Variants in ANTXR1 observed in about 807,000 individuals in gnomAD.
The protein encoded by ANTXR1 is ANTXR cell adhesion molecule 1.
ANTXR1 carries 19 observed loss-of-function variants against 78.1 expected under a neutral mutation model. That is an observed-to-expected ratio of 0.24 (90% CI 0.17 to 0.36). ANTXR1 has a LOEUF of 0.36. ANTXR1 is among the 10% of genes least tolerant of loss of function. The pLI, the probability that ANTXR1 is intolerant of heterozygous loss-of-function variation, is 1.00. For synonymous variants in ANTXR1, 273 were observed against 260.5 expected, an observed-to-expected ratio of 1.05 and a Z score of -0.46; for missense variants, 518 against 718.6, an observed-to-expected ratio of 0.72 and a Z score of 3.19.
intron 9 of ANTXR1, among the ~76,000 whole-genome samples, chr2:69,096,610 C>G (rs1204790888): frequency 6.6e-6 from 1 of 151,980 alleles, no homozygotes. Context: ...TATAAACTGG[C>G]AGCCTACAAG....
At chr2:69,112,778 A>G (rs1446738568) in intron 10 of ANTXR1, among the ~76,000 whole-genome samples, 5 of 152,144 alleles carry the variant, frequency 3.3e-5, no homozygotes, top group Non-Finnish European at 7.4e-5. Context: ...GCCCTCTTTC[A>G]GACAGAACTC....
intron 17 of ANTXR1, among the ~76,000 whole-genome samples, chr2:69,217,255 A>AGGGCCTCC (rs1573983894): frequency 1.3e-5 from 2 of 152,330 alleles, no homozygotes; most frequent in East Asian, 3.9e-4. Context: ...TTAGGGCCTC[A>AGGGCCTCC]GGGCCTCCCA....
rs551572671 is a variant in ANTXR1, at chr2:69,180,228, C to T, written c.1090-1558C>T. On this transcript the variant is annotated intron_variant, in intron 14 of 17. Transcript: ENST00000303714. ...CTCCTGCATGGGGTGCCCCATCCCA[C>T]GCAGTGGTGCCCTGCATAGGACTTC... Among the ~76,000 whole-genome samples, 21 of 152,366 alleles carry T rather than the reference C, an allele frequency of 1.4e-4. No homozygotes were observed. The East Asian group carries it at 3.1e-3, about 22-fold the overall frequency.
chr2:69,228,075 G>T (rs952900432), intron 17 of ANTXR1, among the ~76,000 whole-genome samples: 1 of 152,230 alleles, frequency 6.6e-6, no homozygotes, highest in African/African-American at 2.4e-5. Flanking sequence ...TCTATGGAAA[G>T]ATAGAGCCTA....
chr2:69,136,345 T>C (rs1034539043), intron 12 of ANTXR1, among the ~76,000 whole-genome samples: 2 of 152,194 alleles, frequency 1.3e-5, no homozygotes, highest in South Asian at 2.1e-4. Flanking sequence ...TATTCTTTTT[T>C]AAGTACACTT....
intron 8 of ANTXR1, among the ~76,000 whole-genome samples, chr2:69,089,609 T>C (rs753389596): frequency 6.6e-6 from 1 of 152,242 alleles, no homozygotes; most frequent in Non-Finnish European, 1.5e-5. Context: ...CTCTTTCATT[T>C]GTGTCTTGTG....
In ANTXR1 at chr2:69,041,586, A is replaced by G. The variant is rs764371472; in HGVS notation, c.224+1471A>G. Among the ~76,000 whole-genome samples, 59 of 152,188 alleles carry G rather than the reference A, an allele frequency of 3.9e-4. 1 individual carries two copies. The highest frequency in any genetic ancestry group is 7.1e-4 in the Non-Finnish European group (48 of 68,026). On this transcript the variant is annotated intron_variant, in intron 2 of 17. Coordinates refer to ENST00000303714, the MANE Select transcript of ANTXR1 (RefSeq NM_032208.3). ...CGTTGTGCAACCGTAGCAATTCACC[A>G]ACCTTGGCTGAACCCTAGTTTATAT...
At chr2:69,156,469 A>G (rs1201073745) in intron 13 of ANTXR1, among the ~76,000 whole-genome samples, 3 of 152,144 alleles carry the variant, frequency 2.0e-5, no homozygotes, top group Non-Finnish European at 2.9e-5. Context: ...AAATGTGTCT[A>G]TGTTAATCTG....
At chr2:69,166,810 G>T (rs1558615939) in intron 13 of ANTXR1, among the ~76,000 whole-genome samples, 1 of 152,238 alleles carries the variant, frequency 6.6e-6, no homozygotes, top group East Asian at 1.9e-4. Flanking sequence ...CTTGGAAGCT[G>T]ATTCTAGCTT....
chr2:69,136,844 T>G, intron 12 of ANTXR1, among the ~76,000 whole-genome samples: 1 of 151,708 alleles, frequency 6.6e-6, no homozygotes, highest in East Asian at 1.9e-4. Context: ...ATAGAAGAGG[T>G]GAAAAGAGAA....
At chr2:69,057,974 T>C (rs892299485) in intron 3 of ANTXR1, among the ~76,000 whole-genome samples, 21 of 152,196 alleles carry the variant, frequency 1.4e-4, no homozygotes, top group African/African-American at 4.6e-4. Flanking sequence ...AGCCACAACA[T>C]TCCCTAAGCC....
At chr2:69,117,265 C>T (rs13384913) in intron 10 of ANTXR1, among the ~76,000 whole-genome samples, 40,067 of 152,062 alleles carry the variant, frequency 0.26, 6,254 homozygotes, top group African/African-American at 0.44. Flanking sequence ...TGGGCTTACA[C>T]TGGGCAAGCT....
chr2:69,024,871 A>T (rs948264524), intron 1 of ANTXR1, among the ~76,000 whole-genome samples: 3 of 152,114 alleles, frequency 2.0e-5, no homozygotes, highest in African/African-American at 7.2e-5. Flanking sequence ...TCTAAAATTG[A>T]TCTTTTTAGA....
chr2:69,072,892 G>A (rs1415587544), intron 5 of ANTXR1, 130 bp from the exon 6 acceptor site: 1 of 932,618 alleles, frequency 1.1e-6, no homozygotes, highest in Non-Finnish European at 1.8e-6. Flanking sequence ...AGGCCCAAAA[G>A]AAAAGTTGGT....
At chr2:69,076,896 A>G (rs1043163025) in intron 7 of ANTXR1, among the ~76,000 whole-genome samples, 1 of 152,234 alleles carries the variant, frequency 6.6e-6, no homozygotes, top group Non-Finnish European at 1.5e-5. Context: ...GTTTCCTGCT[A>G]CATAAAGCAG....
chr2:69,224,189 T>C (rs1394144080), intron 17 of ANTXR1, among the ~76,000 whole-genome samples: 1 of 152,234 alleles, frequency 6.6e-6, no homozygotes, highest in African/African-American at 2.4e-5. Context: ...TTTCAAGGCT[T>C]ACAGACTGGG....
chr2:69,049,767 C>T (rs1300125464), intron 3 of ANTXR1, among the ~76,000 whole-genome samples: 1 of 152,130 alleles, frequency 6.6e-6, no homozygotes, highest in Non-Finnish European at 1.5e-5. Context: ...TATCTTCTTA[C>T]ATTCTAAAAT....
intron 17 of ANTXR1, among the ~76,000 whole-genome samples, chr2:69,244,655 G>A (rs1675971076): frequency 6.6e-6 from 1 of 152,176 alleles, no homozygotes; most frequent in African/African-American, 2.4e-5. Context: ...TACAATATAG[G>A]AGAAGCTCGT....
intron 3 of ANTXR1, among the ~76,000 whole-genome samples, chr2:69,049,529 C>G (rs982842303): frequency 2.6e-5 from 4 of 152,058 alleles, no homozygotes; most frequent in African/African-American, 9.7e-5. Context: ...AGGCTGGTCT[C>G]TAACTCCTGA....
Sources: gnomAD v4.1 joint callset for allele counts (sites outside exome capture counted in the v4.1 genomes callset) on GRCh38, gnomAD v4.1.1 for gene constraint, MANE v1.5 for transcripts, NCBI Gene and HGNC (gene_info 2026-07-23, HGNC 2026-07-21) for gene names.